GALNT13: variants seen among roughly 807,000 people sequenced by gnomAD.
GALNT13 encodes polypeptide N-acetylgalactosaminyltransferase 13, also known as UDP-GalNAc:polypeptide N-acetylgalactosaminyltransferase 13.
Under a neutral mutation model 64.2 loss-of-function variants are expected in GALNT13, and 28 were observed. The observed-to-expected ratio is 0.44, with a 90% CI of 0.32 to 0.60. The LOEUF (loss-of-function observed/expected upper bound fraction) is 0.60, where lower values mean the gene tolerates loss of function less well. GALNT13 is among the 20% of genes least tolerant of loss of function. The pLI, the probability that GALNT13 is intolerant of heterozygous loss-of-function variation, is 0.05. For synonymous variants in GALNT13, 214 were observed against 224.6 expected, an observed-to-expected ratio of 0.95 and a Z score of 0.42; for missense variants, 577 against 669.8, an observed-to-expected ratio of 0.86 and a Z score of 1.53.
At chr2:153,378,745 G>T in the GALNT13 span, among the ~76,000 whole-genome samples, 1 of 152,010 alleles carries the variant, frequency 6.6e-6, no homozygotes, top group South Asian at 2.1e-4. Flanking sequence ...ATATAATAAG[G>T]GCTCAGTTGC....
At chr2:154,369,664 T>C (rs1470919246) in intron 9 of GALNT13, among the ~76,000 whole-genome samples, 2 of 152,096 alleles carry the variant, frequency 1.3e-5, no homozygotes, top group African/African-American at 4.8e-5. Flanking sequence ...AGAGATTAAG[T>C]TTCAACATGA....
At chr2:153,540,346 T>G in the GALNT13 span, among the ~76,000 whole-genome samples, 39 of 152,296 alleles carry the variant, frequency 2.6e-4, no homozygotes, top group Non-Finnish European at 4.3e-4. Context: ...TGCCTAGAAT[T>G]CAGAGGATGT....
intron 3 of GALNT13, among the ~76,000 whole-genome samples, chr2:154,005,084 G>C (rs1696157751): frequency 6.6e-6 from 1 of 152,002 alleles, no homozygotes; most frequent in Non-Finnish European, 1.5e-5. Context: ...TTGATTTTCT[G>C]TATTTTACCT....
intron 9 of GALNT13, among the ~76,000 whole-genome samples, chr2:154,368,017 A>T (rs1697467343): frequency 6.6e-6 from 1 of 152,208 alleles, no homozygotes; most frequent in African/African-American, 2.4e-5. Flanking sequence ...AAAACAGTGG[A>T]TTAATGTAAC....
chr2:154,442,031 C>G (rs1701323425), intron 12 of GALNT13, among the ~76,000 whole-genome samples: 1 of 151,516 alleles, frequency 6.6e-6, no homozygotes, highest in Non-Finnish European at 1.5e-5. Context: ...TGTCGAAAAA[C>G]TGGAAATAAT....
At position 154,438,639 on chromosome 2, in the gene GALNT13, C is replaced by T; in HGVS notation, c.1443C>T (p.Cys481=). The change falls in exon 12 of 13, where the codon TGC becomes TGT. Residue 481 remains cysteine, a synonymous_variant. Coordinates refer to ENST00000392825, the MANE Select transcript of GALNT13 (RefSeq NM_052917.4). The part of the protein sequence containing the change: ...ADKEIRTDDL[C]LDVSRLNGPV... ...AAGAAATCCGAACCGATGACTTGTG[C>T]TTGGATGTTTCTAGACTCAATGGAC... is the stretch of plus-strand genomic sequence containing the variant. The T allele has an allele frequency of 6.2e-7, 1 of 1,612,266 alleles. No homozygotes were observed. The highest frequency in any genetic ancestry group is 8.5e-7 in the Non-Finnish European group (1 of 1,178,550).
the GALNT13 span, among the ~76,000 whole-genome samples, chr2:153,586,503 T>C: frequency 1.3e-5 from 2 of 152,178 alleles, no homozygotes; most frequent in African/African-American, 4.8e-5. Context: ...TGAACACATA[T>C]GCAGCCAACA....
At chr2:154,296,228 G>T (rs1410281597) in intron 8 of GALNT13, among the ~76,000 whole-genome samples, 1 of 152,158 alleles carries the variant, frequency 6.6e-6, no homozygotes, top group Non-Finnish European at 1.5e-5. Context: ...TATCAATTCT[G>T]CTGGAACAAC....
chr2:153,257,361 C>T, the GALNT13 span, among the ~76,000 whole-genome samples: 1 of 152,076 alleles, frequency 6.6e-6, no homozygotes, highest in African/African-American at 2.4e-5. Flanking sequence ...CTGGCACTCC[C>T]TAGTGAGATG....
intron 9 of GALNT13, among the ~76,000 whole-genome samples, chr2:154,377,983 A>T (rs185666358): frequency 6.6e-6 from 1 of 152,108 alleles, no homozygotes; most frequent in East Asian, 1.9e-4. Context: ...TTTGGAGTGC[A>T]TTCCTTTTTG....
the GALNT13 span, among the ~76,000 whole-genome samples, chr2:153,634,014 C>A: frequency 1.3e-5 from 2 of 151,998 alleles, no homozygotes; most frequent in Admixed American, 6.6e-5. Flanking sequence ...AATTAAAGAT[C>A]ATCATTTTCC....
the GALNT13 span, among the ~76,000 whole-genome samples, chr2:153,305,811 A>C: frequency 6.6e-6 from 1 of 152,008 alleles, no homozygotes; most frequent in Non-Finnish European, 1.5e-5. Context: ...TTTATTTTTT[A>C]TGTTTACATT....
At chr2:154,144,626 G>C (rs1042744224) in intron 4 of GALNT13, among the ~76,000 whole-genome samples, 18 of 151,918 alleles carry the variant, frequency 1.2e-4, no homozygotes, top group Admixed American at 6.6e-5. Context: ...AAACTATTTT[G>C]GCTAAATTCA....
chr2:153,204,816 G>A, the GALNT13 span, among the ~76,000 whole-genome samples: 1 of 152,064 alleles, frequency 6.6e-6, no homozygotes, highest in African/African-American at 2.4e-5. Context: ...GCTTGTATAT[G>A]GCCCATCTGG....
intron 1 of GALNT13, among the ~76,000 whole-genome samples, chr2:153,872,613 T>TCC (rs146750938): frequency 1.6e-5 from 1 of 60,766 alleles, no homozygotes; most frequent in East Asian, 1.0e-3. Flanking sequence ...GGTGAGTTGT[T>TCC]GGTGGCGGGG....
intron 11 of GALNT13, among the ~76,000 whole-genome samples, chr2:154,433,100 T>C (rs1400756763): frequency 6.6e-6 from 1 of 152,186 alleles, no homozygotes; most frequent in African/African-American, 2.4e-5. Context: ...TTCTGCATTT[T>C]CATTTTGCAC....
the GALNT13 span, among the ~76,000 whole-genome samples, chr2:153,602,257 C>A: frequency 3.3e-3 from 499 of 151,888 alleles, 4 homozygotes; most frequent in African/African-American, 0.011. Context: ...CTTCTAAGTA[C>A]TATTTTAGGC....
the GALNT13 span, among the ~76,000 whole-genome samples, chr2:153,752,060 C>A: frequency 6.6e-6 from 1 of 151,768 alleles, no homozygotes; most frequent in South Asian, 2.1e-4. Flanking sequence ...ATTATTTTCA[C>A]CAGATAACAA....
chr2:153,595,934 A>G, the GALNT13 span, among the ~76,000 whole-genome samples: 2,761 of 152,216 alleles, frequency 0.018, 83 homozygotes, highest in African/African-American at 0.064. Context: ...AAAACAACAC[A>G]TTTCTTATTA....
Sources: gnomAD v4.1 joint callset for allele counts (sites outside exome capture counted in the v4.1 genomes callset) on GRCh38, gnomAD v4.1.1 for gene constraint, MANE v1.5 for transcripts, NCBI Gene and HGNC (gene_info 2026-07-23, HGNC 2026-07-21) for gene names.